Variants in STK24 observed in about 807,000 individuals in gnomAD.
The protein encoded by STK24 is serine/threonine-protein kinase 24.
Under a neutral mutation model 55.6 loss-of-function variants are expected in STK24, and 21 were observed. That is an observed-to-expected ratio of 0.38 (90% CI 0.27 to 0.54). STK24 has a LOEUF of 0.54. Among genes scored for constraint, STK24 ranks in the 20% least tolerant of loss-of-function variants. The pLI is 0.79. For synonymous variants in STK24, 200 were observed against 215.2 expected (o/e 0.93, Z 0.62); for missense variants, 383 against 538.4 (o/e 0.71, Z 2.86).
At chr13:98,501,369 G>A (rs1485021727) in intron 2 of STK24, among the ~76,000 whole-genome samples, 2 of 152,208 alleles carry the variant, frequency 1.3e-5, no homozygotes, top group Non-Finnish European at 2.9e-5. Context: ...CAGGGGTGGG[G>A]CGGGGGCCAG....
chr13:98,541,957 G>A (rs375786560), intron 1 of STK24, among the ~76,000 whole-genome samples: 19 of 152,232 alleles, frequency 1.2e-4, no homozygotes, highest in African/African-American at 4.1e-4. Flanking sequence ...AAATAAAATC[G>A]TGCATTTCAA....
rs926313571 is a variant in STK24 at position 98,452,199 on chromosome 13, T to C, written c.*974A>G. On this transcript the variant is annotated 3_prime_UTR_variant, in exon 11 of 11. Coordinates refer to ENST00000539966, the MANE Select transcript of STK24 (RefSeq NM_001032296.4). ...ATTTATTTGTGTAAGCATTCAGACA[T>C]TTTTAGGTGGGAAAGATGATATGCA... The C allele has an allele frequency of 2.6e-5, 4 of 152,130 alleles. No homozygotes were observed. The highest frequency in any genetic ancestry group is 9.7e-5 in the African/African-American group (4 of 41,434). 9.4% of individuals were successfully genotyped at this position (152,130 alleles called of 1,614,324 possible).
chr13:98,531,883 C>T (rs74796463), intron 1 of STK24, among the ~76,000 whole-genome samples: 29 of 152,280 alleles, frequency 1.9e-4, no homozygotes, highest in Non-Finnish European at 4.1e-4. Context: ...GAGAAAGACG[C>T]TCGTGGGAAC....
intron 5 of STK24, among the ~76,000 whole-genome samples, chr13:98,470,942 T>C (rs528432702): frequency 9.8e-5 from 15 of 152,362 alleles, no homozygotes; most frequent in African/African-American, 3.4e-4. Flanking sequence ...CTTAAGCAGA[T>C]GCGATCATTA....
intron 10 of STK24, chr13:98,456,911 C>A: frequency 1.8e-6 from 1 of 559,544 alleles, no homozygotes; most frequent in Non-Finnish European, 3.2e-6. Flanking sequence ...TTCACCACCA[C>A]CCTGTATTTA....
At chr13:98,457,641 T>C (rs1398434058) in intron 9 of STK24, among the ~76,000 whole-genome samples, 1 of 152,128 alleles carries the variant, frequency 6.6e-6, no homozygotes, top group Non-Finnish European at 1.5e-5. Context: ...AGCTAGTTTT[T>C]GTATTTTTAA....
chr13:98,576,279 C>A (rs1897889724), intron 1 of STK24: 1 of 949,692 alleles, frequency 1.1e-6, no homozygotes, highest in Non-Finnish European at 1.3e-6. Flanking sequence ...CCGCCCTGCC[C>A]AGGTCTCCCG....
chr13:98,576,032 T>C (rs1897880168), intron 1 of STK24: 33 of 985,052 alleles, frequency 3.4e-5, no homozygotes, highest in Non-Finnish European at 3.6e-5. Flanking sequence ...TTCCTGTAAA[T>C]GCAACCAAGT....
At position 98,568,654 on chromosome 13, in the gene STK24, G is replaced by A. The variant is rs552139763; in HGVS notation, c.42+8091C>T. ...GGCCGAGGCATGTGGATCACCTGAG[G>A]TCAGGAGTTCGAGACCTGCCTGCTC... On this transcript the variant is annotated intron_variant, in intron 1 of 10. Transcript: ENST00000539966. Among the ~76,000 whole-genome samples, 35 of 152,150 alleles carry A rather than the reference G, an allele frequency of 2.3e-4. No individual in the cohort carries two copies. The South Asian group carries it at 7.3e-3, about 32-fold the overall frequency.
At chr13:98,472,392 G>A (rs1394668981) in intron 5 of STK24, among the ~76,000 whole-genome samples, 1 of 152,222 alleles carries the variant, frequency 6.6e-6, no homozygotes, top group Non-Finnish European at 1.5e-5. Flanking sequence ...GGGTGCGGAT[G>A]GCTCAGGCAG....
chr13:98,478,796 T>C (rs1894478608), intron 3 of STK24, among the ~76,000 whole-genome samples: 1 of 146,334 alleles, frequency 6.8e-6, no homozygotes, highest in Admixed American at 6.8e-5. Context: ...TCCCTCGGAT[T>C]CTCTGGCAAC....
chr13:98,510,764 G>A lies in STK24; in HGVS notation c.273+8479C>T, dbSNP rs1336091404. ...TCGGGAATCTGGGAAGAAATGGGAAGTGAATGATGATGGGTAGAGTATCTT... is the reference window on the plus strand; with the variant it reads ...TCGGGAATCTGGGAAGAAATGGGAAATGAATGATGATGGGTAGAGTATCTT... On this transcript the variant is annotated intron_variant, in intron 2 of 10. Transcript: ENST00000539966. 5.3e-5 allele frequency among the ~76,000 whole-genome samples: 8 copies of A among 152,236 alleles called. No homozygotes were observed. In the East Asian group the frequency reaches 1.5e-3, roughly 29 times the overall value.
Position 98,457,190 on chromosome 13 carries a change from G to A in STK24, c.1237C>T (p.Gln413Ter), listed in dbSNP as rs1342098291. ...TACCTCTGGAGCCGCTGCACGAGCT[G>A]GGCCACCATGGTGTCGGAGATGCCA... ...CPGISDTMVAQLVQRLQRYSL... is the reference protein window; with the variant it reads ...CPGISDTMVA The change falls in exon 10 of 11, where the codon CAG becomes TAG. Residue 413 changes from glutamine (Q) to a stop codon, truncating the protein, a stop_gained. Coordinates refer to ENST00000539966, the MANE Select transcript of STK24 (RefSeq NM_001032296.4). LOFTEE classifies it high-confidence loss of function. 1 of 1,611,804 alleles carries A rather than the reference G, an allele frequency of 6.2e-7. No homozygotes were observed. Among genetic ancestry groups the A allele is most frequent in the Admixed American group, 1.7e-5 (1 of 59,928 alleles).
chr13:98,509,861 TG>T (rs1895823419), intron 2 of STK24, among the ~76,000 whole-genome samples: 1 of 150,126 alleles, frequency 6.7e-6, no homozygotes, highest in Non-Finnish European at 1.5e-5. Context: ...TCTCTCTCTC[TG>T]CCTGACTCTT....
chr13:98,547,746 C>T (rs1008114618), intron 1 of STK24, among the ~76,000 whole-genome samples: 11 of 152,168 alleles, frequency 7.2e-5, no homozygotes, highest in Non-Finnish European at 1.3e-4. Flanking sequence ...TTGTATTCAG[C>T]CATCAATTTA....
chr13:98,549,134 T>C (rs1050641626), intron 1 of STK24, among the ~76,000 whole-genome samples: 46 of 152,240 alleles, frequency 3.0e-4, no homozygotes, highest in African/African-American at 1.0e-3. Flanking sequence ...CTTCTGACCA[T>C]CTGAAACATA....
Position 98,466,534 on chromosome 13 carries a change from C to T in STK24, c.625G>A (p.Ala209Thr). 1 of 1,614,050 alleles carries T rather than the reference C, an allele frequency of 6.2e-7. No individual in the cohort carries two copies. Among genetic ancestry groups the T allele is most frequent in the Non-Finnish European group, 8.5e-7 (1 of 1,180,034 alleles). Residue 209 changes from alanine (A) to threonine (T), a missense_variant, in exon 6 of 11, where the codon GCT becomes ACT. Physicochemically the swap from Ala to Thr is moderately conservative, Grantham distance 58. Coordinates refer to ENST00000539966, the MANE Select transcript of STK24 (RefSeq NM_001032296.4). ...KADIWSLGIT[A>T]IELARGEPPH... ...GGTTCCCCTCTTGCAAGTTCAATAG[C>T]TGTTATGCCCAGGGACCAGATGTCT...
intron 8 of STK24, among the ~76,000 whole-genome samples, chr13:98,461,216 G>A (rs1206695341): frequency 6.6e-6 from 1 of 152,158 alleles, no homozygotes; most frequent in East Asian, 1.9e-4. Flanking sequence ...TTATCAAAGC[G>A]GGACTTGTAG....
At chr13:98,521,614 C>T (rs994393035) in intron 1 of STK24, among the ~76,000 whole-genome samples, 3 of 152,198 alleles carry the variant, frequency 2.0e-5, no homozygotes, top group Non-Finnish European at 4.4e-5. Context: ...TCCCCCTACA[C>T]GCGGCCTTGA....
Sources: allele counts gnomAD v4.1 joint callset (sites outside exome capture counted in the v4.1 genomes callset), GRCh38; gene constraint gnomAD v4.1.1; transcripts MANE v1.5; gene names NCBI Gene and HGNC (gene_info 2026-07-23, HGNC 2026-07-21).